The following ADD2 variants were observed in gnomAD, a reference collection of about 807,000 sequenced individuals.
ADD2 encodes adducin 2, also known as beta-adducin.
ADD2 carries 23 observed loss-of-function variants against 83.0 expected under a neutral mutation model. The observed-to-expected ratio is 0.28, with a 90% CI of 0.20 to 0.39. The LOEUF (loss-of-function observed/expected upper bound fraction) is 0.39, where lower values mean the gene tolerates loss of function less well. Ranked by LOEUF, ADD2 falls within the 10% of genes least tolerant of loss-of-function variation. The pLI is 1.00. For missense variants in ADD2, 758 were observed against 944.9 expected (o/e 0.80, Z 2.59); for synonymous variants, 375 against 375.4 (o/e 1.00, Z 0.01).
intron 1 of ADD2, among the ~76,000 whole-genome samples, chr2:70,747,979 C>G (rs544852812): frequency 6.6e-6 from 1 of 152,236 alleles, no homozygotes; most frequent in African/African-American, 2.4e-5. Context: ...CCTGCACTTC[C>G]TTGAAAATTT....
At chr2:70,753,977 C>A (rs1033733462) in intron 1 of ADD2, among the ~76,000 whole-genome samples, 1 of 152,054 alleles carries the variant, frequency 6.6e-6, no homozygotes, top group Non-Finnish European at 1.5e-5. Context: ...TAGACAAGGG[C>A]GTCATCACAG....
chr2:70,708,678 T>C (rs574360688), intron 2 of ADD2, among the ~76,000 whole-genome samples: 85 of 152,324 alleles, frequency 5.6e-4, no homozygotes, highest in Non-Finnish European at 9.7e-4. Flanking sequence ...CTGGGACATG[T>C]TACATTAAGT....
At chr2:70,673,608 GTTGT>G (rs1670000833) in intron 14 of ADD2, among the ~76,000 whole-genome samples, 1 of 152,148 alleles carries the variant, frequency 6.6e-6, no homozygotes, top group African/African-American at 2.4e-5. Flanking sequence ...TTTTGCTGTT[GTTGT>G]TTGAGATGAA....
intron 4 of ADD2, 112 bp downstream of exon 4, chr2:70,704,209 G>T: frequency 7.2e-7 from 1 of 1,385,364 alleles, no homozygotes; most frequent in Non-Finnish European, 9.8e-7. Context: ...AACACAATGG[G>T]CTGCTTACTC....
Position 70,713,120 on chromosome 2 carries a change from A to AC in ADD2, c.-90dup. Reference sequence around the variant, plus strand: ...TCCTTCTGTTCACTGCTCAGTCTGCACCCCCTAGCTCCACTCTCAAGGGTG... The same window carrying AC: ...TCCTTCTGTTCACTGCTCAGTCTGCACCCCCCTAGCTCCACTCTCAAGGGTG... On this transcript the variant is annotated 5_prime_UTR_variant, in exon 2 of 16. It removes the in-frame stop codon of an upstream open reading frame in the 5' UTR. Transcript: ENST00000264436. 1.0e-6 allele frequency: 1 copy of AC among 985,352 alleles called. No homozygotes were observed. Among genetic ancestry groups the AC allele is most frequent in the Non-Finnish European group, 1.2e-6 (1 of 830,006 alleles). The allele number at this position is 985,352 out of a possible 1,614,324, so 61.0% of individuals were successfully genotyped here.
chr2:70,656,875 C>T lies in ADD2; in HGVS notation c.*6550G>A, dbSNP rs989827476. 2.0e-5 allele frequency: 3 copies of T among 152,036 alleles called. No individual in the cohort carries two copies. Among genetic ancestry groups the T allele is most frequent in the Non-Finnish European group, 4.4e-5 (3 of 68,028 alleles). The allele number at this position is 152,036 out of a possible 1,614,324, so 9.4% of individuals were successfully genotyped here. The stretch of plus-strand genomic sequence containing the variant: ...AGAAATTCACGGGCAGAGATGCCAC[C>T]GCAGCATCACCGTCAGACACCAAAG... On this transcript the variant is annotated 3_prime_UTR_variant, in exon 16 of 16. Coordinates refer to ENST00000264436, the MANE Select transcript of ADD2 (RefSeq NM_001617.4).
chr2:70,701,290 A>G (rs927221869), intron 4 of ADD2, among the ~76,000 whole-genome samples: 1 of 152,120 alleles, frequency 6.6e-6, no homozygotes, highest in Non-Finnish European at 1.5e-5. Context: ...TCAATAGTTC[A>G]AGGGAAAAAA....
intron 15 of ADD2, among the ~76,000 whole-genome samples, chr2:70,668,927 C>G (rs868973748): frequency 3.3e-5 from 5 of 152,164 alleles, no homozygotes; most frequent in Admixed American, 1.3e-4. Flanking sequence ...GGATCCTGAC[C>G]TACATTCCAA....
rs139626482 is a variant in ADD2, at chr2:70,682,343, G to A, written c.1125+1248C>T. 2.6e-5 allele frequency among the ~76,000 whole-genome samples: 4 copies of A among 152,264 alleles called. No individual in the cohort carries two copies. In the East Asian group the frequency reaches 7.7e-4, roughly 29 times the overall value. On this transcript the variant is annotated intron_variant, in intron 10 of 15. Coordinates refer to ENST00000264436, the MANE Select transcript of ADD2 (RefSeq NM_001617.4). ...TCTTGTATGAAACCATCTAGTCGCG[G>A]TGCTTTCTTTAGGCATAGATTACTC...
chr2:70,734,051 A>G (rs1189259927), intron 1 of ADD2, among the ~76,000 whole-genome samples: 1 of 152,052 alleles, frequency 6.6e-6, no homozygotes, highest in Non-Finnish European at 1.5e-5. Context: ...GGGACCTGCT[A>G]TCTCCACCCC....
chr2:70,760,670 C>T (rs1382937579), intron 1 of ADD2: 1 of 152,186 alleles, frequency 6.6e-6, no homozygotes, highest in Non-Finnish European at 1.5e-5. Flanking sequence ...GTGCACTGGG[C>T]TCTGGGAGCT....
Position 70,706,249 on chromosome 2 carries a change from C to G in ADD2, c.160G>C (p.Val54Leu). Residue 54 changes from valine to leucine, a missense_variant, in exon 3 of 16, where the codon GTC (valine) becomes CTC (leucine). By Grantham distance (32) the Val-to-Leu change is conservative. This residue lies in a region of ADD2 where 175 missense variants were observed against 192.1 expected (regional missense o/e 0.91). Transcript: ENST00000264436. This position sits in a 1 kb window ranked among gnomAD's most constrained non-coding sequence, Gnocchi z 5.0. The stretch of plus-strand genomic sequence containing the variant: ...ACGGGACTCTGCAGGATCATGGTGA[C>G]GCGCTTCTTCTGCTCCATCAGGTTG... The part of the protein sequence containing the change: ...DFNLMEQKKR[V>L]TMILQSPSFR... 6.2e-7 allele frequency: 1 copy of G among 1,614,008 alleles called. No homozygotes were observed. Among genetic ancestry groups the G allele is most frequent in the Non-Finnish European group, 8.5e-7 (1 of 1,179,982 alleles).
At chr2:70,737,064 G>C (rs1347473277) in intron 1 of ADD2, among the ~76,000 whole-genome samples, 9 of 152,208 alleles carry the variant, frequency 5.9e-5, no homozygotes, top group Non-Finnish European at 1.0e-4. Flanking sequence ...TCATTAAAAA[G>C]TCAGGAAACA....
intron 1 of ADD2, chr2:70,767,589 AAAAG>A: frequency 2.4e-6 from 3 of 1,226,516 alleles, no homozygotes; most frequent in Non-Finnish European, 3.1e-6. Context: ...ATTCGGACCC[AAAAG>A]AAAGCCCCAC....
intron 1 of ADD2, among the ~76,000 whole-genome samples, chr2:70,762,314 T>C (rs1553385159): frequency 6.6e-6 from 1 of 151,776 alleles, no homozygotes; most frequent in African/African-American, 2.4e-5. Flanking sequence ...AGATTTCTTA[T>C]CACACAGTAA....
chr2:70,748,360 T>C (rs548050011), intron 1 of ADD2, among the ~76,000 whole-genome samples: 1 of 152,288 alleles, frequency 6.6e-6, no homozygotes, highest in Non-Finnish European at 1.5e-5. Flanking sequence ...ATTGACATTA[T>C]TATTCATCAA....
chr2:70,683,811 T>C, intron 9 of ADD2, 44 bp from the exon 10 acceptor site: 2 of 1,566,880 alleles, frequency 1.3e-6, no homozygotes, highest in Non-Finnish European at 1.7e-6. Flanking sequence ...TGCACATGGG[T>C]ACCCTGCACT....
chr2:70,712,520 C>T (rs1322772143), intron 2 of ADD2, among the ~76,000 whole-genome samples: 3 of 151,192 alleles, frequency 2.0e-5, no homozygotes, highest in Non-Finnish European at 3.0e-5. Context: ...CAAGGTCACA[C>T]AGATAACAGT....
At chr2:70,762,796 C>T (rs1421064284) in intron 1 of ADD2, among the ~76,000 whole-genome samples, 17 of 148,404 alleles carry the variant, frequency 1.1e-4, no homozygotes, top group Non-Finnish European at 2.4e-4. Context: ...ACCTCCGCCT[C>T]CCGGGTTCAA....
Sources: gnomAD v4.1 joint callset for allele counts (sites outside exome capture counted in the v4.1 genomes callset) on GRCh38, gnomAD v4.1.1 for gene constraint, gnomAD v4.1.1 regional missense constraint, Gnocchi (gnomAD v3.1) non-coding constraint, MANE v1.5 for transcripts, NCBI Gene and HGNC (gene_info 2026-07-23, HGNC 2026-07-21) for gene names.